The following HLA-E variants were observed in gnomAD, a reference collection of about 807,000 sequenced individuals.
HLA-E encodes the protein HLA class I histocompatibility antigen, alpha chain E.
A neutral mutation model predicts 43.4 loss-of-function variants in HLA-E; 25 were observed. That is an observed-to-expected ratio of 0.58 (90% confidence interval 0.42 to 0.80). HLA-E has a LOEUF of 0.80. Among genes scored for constraint, HLA-E ranks in the 30% least tolerant of loss-of-function variants. The pLI is 0.00. For missense variants in HLA-E, 343 were observed against 470.0 expected, an observed-to-expected ratio of 0.73 and a Z score of 2.50; for synonymous variants, 161 against 197.6, an observed-to-expected ratio of 0.81 and a Z score of 1.55.
chr6:30,493,275 C>T lies in HLA-E; in HGVS notation c.*529C>T, dbSNP rs1444128880. On this transcript the variant is annotated 3_prime_UTR_variant, in exon 8 of 8. Coordinates refer to ENST00000376630, the MANE Select transcript of HLA-E (RefSeq NM_005516.6). The surrounding 1 kb of genome is among the most constrained non-coding windows in gnomAD (Gnocchi z 5.5). ...TGCGACTGCACTCCAGCCTGGGTGA[C>T]AGGGTGAAACGCCATCTCAAAAAAT... 6.6e-6 allele frequency: 1 copy of T among 152,106 alleles called. No homozygotes were observed. Among genetic ancestry groups the T allele is most frequent in the Non-Finnish European group, 1.5e-5 (1 of 68,010 alleles). 9.4% of individuals were successfully genotyped at this position (152,106 alleles called of 1,614,324 possible). A position where few individuals can be genotyped will look rare whatever the true frequency, so the allele number is the denominator to read the frequency against.
rs1261407449 is a variant in HLA-E at position 30,489,696 on chromosome 6, G to A, written c.65-30G>A. 2 of 1,611,654 alleles carry A rather than the reference G, an allele frequency of 1.2e-6. No homozygotes were observed. Among genetic ancestry groups the A allele is most frequent in the East Asian group, 2.2e-5 (1 of 44,854 alleles). On this transcript the variant is annotated intron_variant, in intron 1 of 7. Transcript: ENST00000376630. This position sits in a 1 kb window ranked among gnomAD's most constrained non-coding sequence, Gnocchi z 5.6. ...GGGGAGCCGCGCCGGGAGGAGGGTC[G>A]GGCCGATCTCAGCCCCTCCTCGCCC... is the stretch of plus-strand genomic sequence containing the variant.
Position 30,490,610 on chromosome 6 carries a change from G to A in HLA-E, c.610+95G>A. The A allele has an allele frequency of 1.6e-6, 2 of 1,248,704 alleles. No individual in the cohort carries two copies. The highest frequency in any genetic ancestry group is 1.1e-6 in the Non-Finnish European group (1 of 900,912). 77.4% of individuals were successfully genotyped at this position (1,248,704 alleles called of 1,614,324 possible). Reference sequence around the variant, plus strand: ...CTCAAACAGTAGAAGAAACAGGGATGGAGGCCAGAATACCACTCCTCCCTT... The same window carrying A: ...CTCAAACAGTAGAAGAAACAGGGATAGAGGCCAGAATACCACTCCTCCCTT... On this transcript the variant is annotated intron_variant, in intron 3 of 7. Coordinates refer to ENST00000376630, the MANE Select transcript of HLA-E (RefSeq NM_005516.6). This position sits in a 1 kb window ranked among gnomAD's most constrained non-coding sequence, Gnocchi z 6.6.
rs919762253 is a variant in HLA-E, at chr6:30,491,941, T to C, written c.1003+288T>C. Among the ~76,000 whole-genome samples the C allele has an allele frequency of 2.0e-5, 3 of 152,020 alleles. No individual in the cohort carries two copies. Among genetic ancestry groups the C allele is most frequent in the African/African-American group, 7.3e-5 (3 of 41,378 alleles). On this transcript the variant is annotated intron_variant, in intron 5 of 7. Coordinates refer to ENST00000376630, the MANE Select transcript of HLA-E (RefSeq NM_005516.6). This position sits in a 1 kb window ranked among gnomAD's most constrained non-coding sequence, Gnocchi z 5.4. Reference sequence around the variant, plus strand: ...CCTCCCTAGTAGCTGGGACTACACATGCGTGCCACCACACCTGGCTAATTT... The same window carrying C: ...CCTCCCTAGTAGCTGGGACTACACACGCGTGCCACCACACCTGGCTAATTT...
At position 30,489,635 on chromosome 6, in the gene HLA-E, G is replaced by A. The variant is rs1194302592; in HGVS notation, c.64+40G>A. ...GGGATGGAAACGGCCTCTACCGGGAGTAGAGAGGGGCCGGCCCGGCGGGGG... is the reference window on the plus strand; with the variant it reads ...GGGATGGAAACGGCCTCTACCGGGAATAGAGAGGGGCCGGCCCGGCGGGGG... On this transcript the variant is annotated intron_variant, in intron 1 of 7. Coordinates refer to ENST00000376630, the MANE Select transcript of HLA-E (RefSeq NM_005516.6). This position sits in a 1 kb window ranked among gnomAD's most constrained non-coding sequence, Gnocchi z 5.6. The A allele has an allele frequency of 6.3e-7, 1 of 1,598,762 alleles. No individual in the cohort carries two copies. Among genetic ancestry groups the A allele is most frequent in the Non-Finnish European group, 8.5e-7 (1 of 1,171,932 alleles).
Position 30,489,934 on chromosome 6 carries a change from C to A in HLA-E, c.273C>A (p.Thr91=). 2.5e-6 allele frequency: 4 copies of A among 1,612,502 alleles called. No homozygotes were observed. Among genetic ancestry groups the A allele is most frequent in the Non-Finnish European group, 3.4e-6 (4 of 1,179,722 alleles). Residue 91 remains threonine, a synonymous_variant, in exon 2 of 8, where the codon ACC becomes ACA. Coordinates refer to ENST00000376630, the MANE Select transcript of HLA-E (RefSeq NM_005516.6). The surrounding 1 kb of genome is among the most constrained non-coding windows in gnomAD (Gnocchi z 5.6). ...GGGAGACACGGAGCGCCAGGGACAC[C>A]GCACAGATTTTCCGAGTGAATCTGC... is the stretch of plus-strand genomic sequence containing the variant. ...WDRETRSARD[T]AQIFRVNLRT... is the part of the protein sequence containing the mutation.
At position 30,492,994 on chromosome 6, in the gene HLA-E, A is replaced by T; in HGVS notation, c.*248A>T. On this transcript the variant is annotated 3_prime_UTR_variant, in exon 8 of 8. Transcript: ENST00000376630. This position sits in a 1 kb window ranked among gnomAD's most constrained non-coding sequence, Gnocchi z 4.5. Reference sequence around the variant, plus strand: ...GTGTTCCTTCCCTGTTCTCTTTTCTATTAAAAATAAGAACCTGGGCAGAGT... The same window carrying T: ...GTGTTCCTTCCCTGTTCTCTTTTCTTTTAAAAATAAGAACCTGGGCAGAGT... 1 of 217,210 alleles carries T rather than the reference A, an allele frequency of 4.6e-6. No homozygotes were observed. The highest frequency in any genetic ancestry group is 8.7e-5 in the South Asian group (1 of 11,474). The allele number at this position is 217,210 out of a possible 1,614,324, so 13.5% of individuals were successfully genotyped here.
At position 30,492,492 on chromosome 6, in the gene HLA-E, C is replaced by T. The variant is rs757092857; in HGVS notation, c.1037-49C>T. 2 of 1,614,022 alleles carry T rather than the reference C, an allele frequency of 1.2e-6. No homozygotes were observed. The highest frequency in any genetic ancestry group is 3.3e-5 in the Admixed American group (2 of 60,022). On this transcript the variant is annotated intron_variant, in intron 6 of 7. Coordinates refer to ENST00000376630, the MANE Select transcript of HLA-E (RefSeq NM_005516.6). This position sits in a 1 kb window ranked among gnomAD's most constrained non-coding sequence, Gnocchi z 4.5. ...CGCCCACCCTATAATTCCTCCTGCA[C>T]CACATCTCCTGTGGGCTCTGACCAG...
Position 30,492,701 on chromosome 6 carries a change from A to G in HLA-E, c.*3-48A>G. Reference sequence around the variant, plus strand: ...GTGGTGGGCTGTTCAGAGTGTCATCACTTACCGTGACTGACCTGAATTTGT... The same window carrying G: ...GTGGTGGGCTGTTCAGAGTGTCATCGCTTACCGTGACTGACCTGAATTTGT... On this transcript the variant is annotated intron_variant, in intron 7 of 7. Coordinates refer to ENST00000376630, the MANE Select transcript of HLA-E (RefSeq NM_005516.6). This position sits in a 1 kb window ranked among gnomAD's most constrained non-coding sequence, Gnocchi z 4.5. 5.2e-6 allele frequency: 5 copies of G among 959,246 alleles called. No individual in the cohort carries two copies. The highest frequency in any genetic ancestry group is 8.2e-6 in the Non-Finnish European group (5 of 613,272). The allele number at this position is 959,246 out of a possible 1,614,324, so 59.4% of individuals were successfully genotyped here.
chr6:30,490,051 G>T lies in HLA-E; in HGVS notation c.334+56G>T. On this transcript the variant is annotated intron_variant, in intron 2 of 7. Coordinates refer to ENST00000376630, the MANE Select transcript of HLA-E (RefSeq NM_005516.6). This position sits in a 1 kb window ranked among gnomAD's most constrained non-coding sequence, Gnocchi z 6.6. ...CGACCCCTCCCCATCCCCCACGGAC[G>T]GCGCGGGTCCCCTCGAATCTTCGGG... is the stretch of plus-strand genomic sequence containing the variant. 1.3e-6 allele frequency: 2 copies of T among 1,545,966 alleles called. No individual in the cohort carries two copies. The highest frequency in any genetic ancestry group is 2.4e-5 in the South Asian group (2 of 83,510).
At position 30,490,014 on chromosome 6, in the gene HLA-E, G is replaced by A. The variant is rs773836652; in HGVS notation, c.334+19G>A. The A allele has an allele frequency of 1.3e-5, 21 of 1,596,112 alleles. No homozygotes were observed. Among genetic ancestry groups the A allele is most frequent in the Non-Finnish European group, 1.7e-5 (20 of 1,169,924 alleles). On this transcript the variant is annotated intron_variant, in intron 2 of 7. Transcript: ENST00000376630. The surrounding 1 kb of genome is among the most constrained non-coding windows in gnomAD (Gnocchi z 6.6). ...GAGGCCGGTGAGTGACCCCGGCCAGGGGAGCAGGTCACGACCCCTCCCCAT... is the reference window on the plus strand; with the variant it reads ...GAGGCCGGTGAGTGACCCCGGCCAGAGGAGCAGGTCACGACCCCTCCCCAT...
In HLA-E at chr6:30,492,941, A is replaced by G. The variant is rs1796644224; in HGVS notation, c.*195A>G. The G allele has an allele frequency of 2.7e-6, 1 of 371,588 alleles. No individual in the cohort carries two copies. 23.0% of individuals were successfully genotyped at this position (371,588 alleles called of 1,614,324 possible). A position where few individuals can be genotyped will look rare whatever the true frequency, so the allele number is the denominator to read the frequency against. Reference sequence around the variant, plus strand: ...AGAGAAACAGTCCACCTCTGTGTCTACCATGACCCCCTTCCTCACACTGAC... The same window carrying G: ...AGAGAAACAGTCCACCTCTGTGTCTGCCATGACCCCCTTCCTCACACTGAC... On this transcript the variant is annotated 3_prime_UTR_variant, in exon 8 of 8. Transcript: ENST00000376630. The surrounding 1 kb of genome is among the most constrained non-coding windows in gnomAD (Gnocchi z 4.5).
rs1232808911 is a variant in HLA-E at position 30,490,040 on chromosome 6, C to A, written c.334+45C>A. 5 of 1,561,958 alleles carry A rather than the reference C, an allele frequency of 3.2e-6. No individual in the cohort carries two copies. Among genetic ancestry groups the A allele is most frequent in the Non-Finnish European group, 4.4e-6 (5 of 1,147,718 alleles). ...GGAGCAGGTCACGACCCCTCCCCAT[C>A]CCCCACGGACGGCGCGGGTCCCCTC... On this transcript the variant is annotated intron_variant, in intron 2 of 7. Coordinates refer to ENST00000376630, the MANE Select transcript of HLA-E (RefSeq NM_005516.6). The surrounding 1 kb of genome is among the most constrained non-coding windows in gnomAD (Gnocchi z 6.6).
At position 30,491,430 on chromosome 6, in the gene HLA-E, A is replaced by G. The variant is rs558855143; in HGVS notation, c.886+18A>G. On this transcript the variant is annotated intron_variant, in intron 4 of 7. Transcript: ENST00000376630. This position sits in a 1 kb window ranked among gnomAD's most constrained non-coding sequence, Gnocchi z 5.4. ...GAGATGGAGTAAGGAGGGGGATGGG[A>G]GGTCATGTCTCTTCTCAGGGAAAGC... The G allele has an allele frequency of 1.7e-5, 28 of 1,613,306 alleles. No individual in the cohort carries two copies. The highest frequency in any genetic ancestry group is 2.4e-5 in the Non-Finnish European group (28 of 1,179,548).
Position 30,492,762 on chromosome 6 carries a change from C to T in HLA-E, c.*16C>T. The T allele has an allele frequency of 1.4e-6, 1 of 716,318 alleles. No homozygotes were observed. 44.4% of individuals were successfully genotyped at this position (716,318 alleles called of 1,614,324 possible). ...TTTCTTCTGTAGCCTGAGACAGCTG[C>T]CTTGTGTGCGACTGAGATGCACAGC... On this transcript the variant is annotated 3_prime_UTR_variant, in exon 8 of 8. Coordinates refer to ENST00000376630, the MANE Select transcript of HLA-E (RefSeq NM_005516.6). This position sits in a 1 kb window ranked among gnomAD's most constrained non-coding sequence, Gnocchi z 4.5.
In HLA-E at chr6:30,491,132, C is replaced by T; in HGVS notation, c.611-5C>T. The T allele has an allele frequency of 4.3e-6, 7 of 1,613,488 alleles. No homozygotes were observed. In the South Asian group the frequency reaches 6.6e-5, roughly 15 times the overall value. ...GTGCCTGAATTTTCTGACTCTTCCCCTCAGAGCCCCCAAAGACACACGTGA... is the reference window on the plus strand; with the variant it reads ...GTGCCTGAATTTTCTGACTCTTCCCTTCAGAGCCCCCAAAGACACACGTGA... On this transcript the variant is annotated splice_region_variant and splice_polypyrimidine_tract_variant and intron_variant, in intron 3 of 7. Transcript: ENST00000376630. The surrounding 1 kb of genome is among the most constrained non-coding windows in gnomAD (Gnocchi z 5.4).
chr6:30,490,301 C>G lies in HLA-E; in HGVS notation c.396C>G (p.Arg132=). 2 of 1,613,070 alleles carry G rather than the reference C, an allele frequency of 1.2e-6. No homozygotes were observed. Among genetic ancestry groups the G allele is most frequent in the African/African-American group, 1.3e-5 (1 of 75,048 alleles). The part of the protein sequence containing the change: ...CELGPDGRFL[R]GYEQFAYDGK... ...TGGGGCCCGACGGGCGCTTCCTCCG[C>G]GGGTATGAACAGTTCGCCTACGACG... The change falls in exon 3 of 8, where the codon CGC becomes CGG. Residue 132 remains arginine (R), a synonymous_variant. Coordinates refer to ENST00000376630, the MANE Select transcript of HLA-E (RefSeq NM_005516.6). This position sits in a 1 kb window ranked among gnomAD's most constrained non-coding sequence, Gnocchi z 6.6.
Position 30,490,398 on chromosome 6 carries a change from G to A in HLA-E, c.493G>A (p.Glu165Lys), listed in dbSNP as rs1003909041. 6 of 1,613,066 alleles carry A rather than the reference G, an allele frequency of 3.7e-6. No individual in the cohort carries two copies. The highest frequency in any genetic ancestry group is 5.1e-6 in the Non-Finnish European group (6 of 1,180,034). ...GGTGGACACGGCGGCTCAGATCTCC[G>A]AGCAAAAGTCAAATGATGCCTCTGA... Reference protein sequence around the residue: ...TAVDTAAQISEQKSNDASEAE... With the variant: ...TAVDTAAQISKQKSNDASEAE... Residue 165 changes from glutamate (E) to lysine (K), a missense_variant, in exon 3 of 8, where the codon GAG becomes AAG. By Grantham distance (56) the Glu-to-Lys change is moderately conservative. Around this residue, in one of 3 missense-constraint regions of HLA-E, gnomAD observed 190 missense variants for 283.6 expected, o/e 0.67. Coordinates refer to ENST00000376630, the MANE Select transcript of HLA-E (RefSeq NM_005516.6). This position sits in a 1 kb window ranked among gnomAD's most constrained non-coding sequence, Gnocchi z 6.6.
Position 30,491,704 on chromosome 6 carries a change from T to C in HLA-E, c.1003+51T>C. 1 of 1,452,038 alleles carries C rather than the reference T, an allele frequency of 6.9e-7. No individual in the cohort carries two copies. The allele number at this position is 1,452,038 out of a possible 1,614,324, so 89.9% of individuals were successfully genotyped here. A position where few individuals can be genotyped will look rare whatever the true frequency, so the allele number is the denominator to read the frequency against. On this transcript the variant is annotated intron_variant, in intron 5 of 7. Coordinates refer to ENST00000376630, the MANE Select transcript of HLA-E (RefSeq NM_005516.6). The surrounding 1 kb of genome is among the most constrained non-coding windows in gnomAD (Gnocchi z 5.4). ...TGAGTTTTCTTGTCCCACTGGGTGTTTCAAGCCCTAGGTAAAAGTGTGTCC... is the reference window on the plus strand; with the variant it reads ...TGAGTTTTCTTGTCCCACTGGGTGTCTCAAGCCCTAGGTAAAAGTGTGTCC...
At position 30,492,551 on chromosome 6, in the gene HLA-E, T is replaced by TG. The variant is rs1453103151; in HGVS notation, c.1048dup (p.Ala350GlyfsTer5). Reference sequence around the variant, plus strand: ...TTTGTTCTACCCCAGGGAGCGACAGTGCCCAGGGGTCTGAGTCTCACAGCT... The same window carrying TG: ...TTTGTTCTACCCCAGGGAGCGACAGTGGCCCAGGGGTCTGAGTCTCACAGCT... On this transcript the variant is annotated frameshift_variant, in exon 7 of 8. Coordinates refer to ENST00000376630, the MANE Select transcript of HLA-E (RefSeq NM_005516.6). LOFTEE classifies it high-confidence loss of function. This position sits in a 1 kb window ranked among gnomAD's most constrained non-coding sequence, Gnocchi z 4.5. The TG allele has an allele frequency of 5.6e-6, 9 of 1,614,022 alleles. No individual in the cohort carries two copies. Among genetic ancestry groups the TG allele is most frequent in the Non-Finnish European group, 7.6e-6 (9 of 1,180,040 alleles).
Sources: gnomAD v4.1 joint callset for allele counts (sites outside exome capture counted in the v4.1 genomes callset) on GRCh38, gnomAD v4.1.1 for gene constraint, gnomAD v4.1.1 regional missense constraint, Gnocchi (gnomAD v3.1) non-coding constraint, MANE v1.5 for transcripts, NCBI Gene and HGNC (gene_info 2026-07-23, HGNC 2026-07-21) for gene names.